CHRM2: variants seen among roughly 807,000 people sequenced by gnomAD.
CHRM2 encodes cholinergic receptor muscarinic 2.
In CHRM2, 8 loss-of-function variants were observed where a neutral mutation model predicts 25.0. That is an observed-to-expected ratio of 0.32 (90% CI 0.19 to 0.58). The LOEUF (loss-of-function observed/expected upper bound fraction) is 0.58, where lower values mean the gene tolerates loss of function less well. Ranked by LOEUF, CHRM2 falls within the 20% of genes least tolerant of loss-of-function variation. The pLI, the probability that CHRM2 is intolerant of heterozygous loss-of-function variation, is 0.88. For synonymous variants in CHRM2, 202 were observed against 205.7 expected (o/e 0.98, Z 0.15); for missense variants, 440 against 567.1 (o/e 0.78, Z 2.28).
At chr7:137,011,066 C>T (rs189846467) in intron 3 of CHRM2, among the ~76,000 whole-genome samples, 10 of 151,788 alleles carry the variant, frequency 6.6e-5, no homozygotes, top group Non-Finnish European at 1.3e-4. Context: ...GAAATTGTTC[C>T]ATAAATTTTA....
At chr7:136,914,665 T>C (rs935052071) in intron 2 of CHRM2, among the ~76,000 whole-genome samples, 3 of 151,964 alleles carry the variant, frequency 2.0e-5, no homozygotes, top group Non-Finnish European at 1.5e-5. Context: ...ACCTTGATGA[T>C]ATGTTGGATA....
At position 137,020,160 on chromosome 7, in the gene CHRM2, C is replaced by T. The variant is rs1040679178; in HGVS notation, c.*3894C>T. ...GTATCTTCCTGGAATATGCTATGTG[C>T]TAAATATATATATATTCTATAAATA... On this transcript the variant is annotated 3_prime_UTR_variant, in exon 4 of 4. Coordinates refer to ENST00000680005, the MANE Select transcript of CHRM2 (RefSeq NM_001006630.2). The T allele has an allele frequency of 3.7e-5, 5 of 136,200 alleles. No individual in the cohort carries two copies. The highest frequency in any genetic ancestry group is 1.2e-4 in the African/African-American group (5 of 40,306). 8.4% of individuals were successfully genotyped at this position (136,200 alleles called of 1,614,324 possible).
At chr7:136,890,368 G>A (rs554133957) in intron 2 of CHRM2, among the ~76,000 whole-genome samples, 10 of 152,252 alleles carry the variant, frequency 6.6e-5, no homozygotes, top group East Asian at 1.9e-4. Flanking sequence ...TGTGTTGATC[G>A]TATATTCTGA....
chr7:136,923,521 G>C (rs1364406), intron 2 of CHRM2, among the ~76,000 whole-genome samples: 36,124 of 151,918 alleles, frequency 0.24, 5,675 homozygotes, highest in Non-Finnish European at 0.35. Context: ...TAAGCACAGA[G>C]AGTTGAGTAG....
At chr7:136,971,926 G>T (rs1801801030) in intron 2 of CHRM2, among the ~76,000 whole-genome samples, 1 of 152,046 alleles carries the variant, frequency 6.6e-6, no homozygotes, top group Admixed American at 6.6e-5. Flanking sequence ...AAGGGAGTAG[G>T]CAGCAGTAAA....
At chr7:136,981,813 G>C (rs1802508475) in intron 2 of CHRM2, among the ~76,000 whole-genome samples, 1 of 152,044 alleles carries the variant, frequency 6.6e-6, no homozygotes, top group Non-Finnish European at 1.5e-5. Context: ...GTCTGAGAGA[G>C]TGTTTGTTAA....
At chr7:136,974,203 A>G (rs1439195952) in intron 2 of CHRM2, among the ~76,000 whole-genome samples, 1 of 152,170 alleles carries the variant, frequency 6.6e-6, no homozygotes, top group African/African-American at 2.4e-5. Flanking sequence ...GGGCACAGAG[A>G]GGGATATCAT....
intron 2 of CHRM2, among the ~76,000 whole-genome samples, chr7:136,880,270 G>A (rs1796214400): frequency 6.6e-6 from 1 of 151,792 alleles, no homozygotes; most frequent in Non-Finnish European, 1.5e-5. Flanking sequence ...TGTCTGAGAT[G>A]CACTTTCAGA....
At chr7:136,881,500 T>C (rs1796264967) in intron 2 of CHRM2, among the ~76,000 whole-genome samples, 1 of 151,988 alleles carries the variant, frequency 6.6e-6, no homozygotes, top group African/African-American at 2.4e-5. Flanking sequence ...GTTCTGTATT[T>C]TCTCTAATCT....
intron 2 of CHRM2, among the ~76,000 whole-genome samples, chr7:136,929,933 T>A (rs1798962633): frequency 6.6e-6 from 1 of 151,804 alleles, no homozygotes; most frequent in Admixed American, 6.6e-5. Context: ...CATAGAAAAA[T>A]AAATAATAAC....
intron 2 of CHRM2, among the ~76,000 whole-genome samples, chr7:136,981,816 TTTG>T (rs1263871927): frequency 3.9e-5 from 6 of 152,182 alleles, no homozygotes; most frequent in Non-Finnish European, 7.3e-5. Flanking sequence ...TGAGAGAGTG[TTTG>T]TTAAGATTTC....
chr7:136,988,422 C>T (rs1802998370), intron 2 of CHRM2, among the ~76,000 whole-genome samples: 1 of 152,080 alleles, frequency 6.6e-6, no homozygotes, highest in African/African-American at 2.4e-5. Flanking sequence ...TAATTGAGTG[C>T]TCATTATCTG....
At chr7:136,927,236 G>C (rs1451854948) in intron 2 of CHRM2, among the ~76,000 whole-genome samples, 1 of 152,156 alleles carries the variant, frequency 6.6e-6, no homozygotes, top group Non-Finnish European at 1.5e-5. Context: ...CTGCAGTTCA[G>C]ACAGAGGAAT....
intron 2 of CHRM2, among the ~76,000 whole-genome samples, chr7:136,884,483 G>A (rs1796382943): frequency 6.9e-6 from 1 of 145,334 alleles, no homozygotes; most frequent in South Asian, 2.1e-4. Context: ...AAAATGAAAT[G>A]CCTTTTTTTT....
At chr7:136,916,035 T>A (rs1403489304) in intron 2 of CHRM2, among the ~76,000 whole-genome samples, 3 of 151,838 alleles carry the variant, frequency 2.0e-5, no homozygotes, top group Non-Finnish European at 4.4e-5. Flanking sequence ...GGGAAAAGAA[T>A]AATCTAACCC....
At chr7:137,008,204 G>A (rs1203952497) in intron 3 of CHRM2, among the ~76,000 whole-genome samples, 2 of 152,026 alleles carry the variant, frequency 1.3e-5, no homozygotes, top group Non-Finnish European at 2.9e-5. Context: ...CATTCTTAAG[G>A]TGGGGAAGAG....
intron 2 of CHRM2, among the ~76,000 whole-genome samples, chr7:136,893,946 G>A (rs970073837): frequency 1.3e-5 from 2 of 152,094 alleles, no homozygotes; most frequent in African/African-American, 4.8e-5. Flanking sequence ...TTTGTTCTAC[G>A]TCTTCAATTT....
intron 2 of CHRM2, among the ~76,000 whole-genome samples, chr7:136,925,742 TCTC>T (rs1310782667): frequency 6.6e-6 from 1 of 152,154 alleles, no homozygotes; most frequent in Non-Finnish European, 1.5e-5. Flanking sequence ...CACTTTCAAG[TCTC>T]CTTATCTTTG....
At chr7:136,956,621 A>G (rs923143936) in intron 2 of CHRM2, among the ~76,000 whole-genome samples, 1 of 152,148 alleles carries the variant, frequency 6.6e-6, no homozygotes, top group African/African-American at 2.4e-5. Context: ...TTTGAAAATT[A>G]CTGGTATACT....
Sources: allele counts gnomAD v4.1 joint callset (sites outside exome capture counted in the v4.1 genomes callset), GRCh38; gene constraint gnomAD v4.1.1; transcripts MANE v1.5; gene names NCBI Gene and HGNC (gene_info 2026-07-23, HGNC 2026-07-21).